FBN1: variants seen among roughly 807,000 people sequenced by gnomAD.
FBN1 encodes the protein fibrillin 1, also known as fibrillin-1.
In FBN1, 29 loss-of-function variants were observed where a neutral mutation model predicts 365.1. The ratio of observed to expected loss-of-function variants is 0.08; its 90% CI spans 0.06 to 0.11. FBN1 has a LOEUF of 0.11. FBN1 is among the 10% of genes least tolerant of loss of function. The probability of loss-of-function intolerance (pLI) is 1.00; values close to 1 mark genes in which losing one functional copy is unlikely to be tolerated. For synonymous variants in FBN1, 1,210 were observed against 1,270.5 expected (o/e 0.95, Z 1.01); for missense variants, 2,476 against 3,703.2 (o/e 0.67, Z 8.60).
At chr15:48,487,968 C>A in intron 27 of FBN1, 145 bp downstream of exon 27, 1 of 1,074,198 alleles carries the variant, frequency 9.3e-7, no homozygotes, top group South Asian at 1.3e-5. Flanking sequence ...ATTCTTTCTA[C>A]CTCAGTCTCC....
Position 48,516,234 on chromosome 15 carries a change from G to A in FBN1, c.1276C>T (p.Pro426Ser), listed in dbSNP as rs532909030. The A allele has an allele frequency of 6.2e-7, 1 of 1,607,242 alleles. No individual in the cohort carries two copies. The highest frequency in any genetic ancestry group is 2.2e-5 in the East Asian group (1 of 44,542). Reference sequence around the variant, plus strand: ...TATTCCACTGGTGGTCGAGGGACCGGAATTTGAGGTCCAGGAGGAAAGCCA... The same window carrying A: ...TATTCCACTGGTGGTCGAGGGACCGAAATTTGAGGTCCAGGAGGAAAGCCA... ...PPGFPPGPQI[P>S]VPRPPVEYLY... Residue 426 changes from proline (P) to serine (S), a missense_variant, in exon 11 of 66, where the codon CCG becomes TCG. Pro to Ser is a moderately conservative substitution (Grantham distance 74). Coordinates refer to ENST00000316623, the MANE Select transcript of FBN1 (RefSeq NM_000138.5).
chr15:48,486,735 T>C (rs1160585225), intron 29 of FBN1, among the ~76,000 whole-genome samples: 1 of 152,226 alleles, frequency 6.6e-6, no homozygotes, highest in African/African-American at 2.4e-5. Flanking sequence ...TTAATGTGCA[T>C]TGGTATGCAT....
At position 48,468,527 on chromosome 15, in the gene FBN1, A is replaced by G. The variant is rs193922205; in HGVS notation, c.4467T>C (p.Asn1489=). 1 of 1,614,142 alleles carries G rather than the reference A, an allele frequency of 6.2e-7. No individual in the cohort carries two copies. Among genetic ancestry groups the G allele is most frequent in the South Asian group, 1.1e-5 (1 of 91,084 alleles). ...TGCACGTGGTTGGATCCAGGCATTCATTCACATCTAAAACCGAACAGTGAG... is the reference window on the plus strand; with the variant it reads ...TGCACGTGGTTGGATCCAGGCATTCGTTCACATCTAAAACCGAACAGTGAG... ...DRSGGNCTDV[N]ECLDPTTCIS... The change falls in exon 37 of 66, where the codon AAT becomes AAC. Residue 1489 remains asparagine, a synonymous_variant. Coordinates refer to ENST00000316623, the MANE Select transcript of FBN1 (RefSeq NM_000138.5).
intron 45 of FBN1, 37 bp from the exon 46 acceptor site, chr15:48,448,930 G>C: frequency 6.4e-7 from 1 of 1,568,880 alleles, no homozygotes; most frequent in Non-Finnish European, 8.8e-7. Flanking sequence ...GAACTTAGAA[G>C]ACAAAATATA....
At chr15:48,524,454 C>G (rs867981508) in intron 9 of FBN1, among the ~76,000 whole-genome samples, 5 of 152,172 alleles carry the variant, frequency 3.3e-5, no homozygotes, top group African/African-American at 1.2e-4. Context: ...TTTCTCATCA[C>G]TACGGATAAT....
intron 17 of FBN1, among the ~76,000 whole-genome samples, chr15:48,500,968 C>A (rs1033443631): frequency 4.6e-5 from 7 of 152,234 alleles, no homozygotes; most frequent in African/African-American, 1.4e-4. Context: ...GCCTACCCCC[C>A]ATTCTTGAAA....
At chr15:48,560,953 A>G (rs886172970) in intron 6 of FBN1, among the ~76,000 whole-genome samples, 3 of 151,972 alleles carry the variant, frequency 2.0e-5, no homozygotes, top group Non-Finnish European at 1.5e-5. Context: ...ATACTACCCA[A>G]CCCCCAGAGT....
chr15:48,482,713 A>G (rs2043474607), intron 31 of FBN1, among the ~76,000 whole-genome samples: 1 of 152,228 alleles, frequency 6.6e-6, no homozygotes, highest in South Asian at 2.1e-4. Flanking sequence ...TTCTGCAAGT[A>G]TTCAGATGAG....
At chr15:48,483,358 G>A (rs1397513397) in intron 31 of FBN1, among the ~76,000 whole-genome samples, 2 of 152,224 alleles carry the variant, frequency 1.3e-5, no homozygotes, top group Non-Finnish European at 2.9e-5. Context: ...TACACTGTAT[G>A]TGAGGAAAGG....
chr15:48,546,646 T>C (rs917629552), intron 6 of FBN1, among the ~76,000 whole-genome samples: 4 of 152,188 alleles, frequency 2.6e-5, no homozygotes, highest in Non-Finnish European at 5.9e-5. Context: ...CAAAGCTCAA[T>C]AAAAAGCCAC....
At chr15:48,425,628 G>A in intron 59 of FBN1, 111 bp downstream of exon 59, 1 of 1,536,892 alleles carries the variant, frequency 6.5e-7, no homozygotes, top group African/African-American at 1.4e-5. Context: ...TGATTGTCCT[G>A]TGCTTTCCTA....
In FBN1 at chr15:48,489,872, T is replaced by C. The variant is rs1242604605; in HGVS notation, c.3061A>G (p.Asn1021Asp). ...GPGFATKEIT[N>D]GKPFFKDINE... ...GTACCTTTGAAGAAAGGCTTTCCAT[T>C]TGTAATTTCTTTTGTGGCAAATCCG... is the stretch of plus-strand genomic sequence containing the variant. The change falls in exon 25 of 66, where the codon AAT (asparagine) becomes GAT (aspartate). Residue 1021 changes from asparagine (N) to aspartate (D), a missense_variant. By Grantham distance (23) the Asn-to-Asp change is conservative. This residue lies in a region of FBN1 where 1,780 missense variants were observed against 2,840.8 expected (regional missense o/e 0.63). Coordinates refer to ENST00000316623, the MANE Select transcript of FBN1 (RefSeq NM_000138.5). 6.2e-7 allele frequency: 1 copy of C among 1,614,076 alleles called. No homozygotes were observed. Among genetic ancestry groups the C allele is most frequent in the South Asian group, 1.1e-5 (1 of 91,076 alleles).
rs1566895616 is a variant in FBN1, at chr15:48,435,750, A to ATGTGTATATATATG, written c.6497-1038_6497-1037insCATATATATACACA. 1.4e-4 allele frequency among the ~76,000 whole-genome samples: 12 copies of ATGTGTATATATATG among 85,094 alleles called. No individual in the cohort carries two copies. In the South Asian group the frequency reaches 5.2e-3, roughly 37 times the overall value. 55.8% of individuals were successfully genotyped at this position (85,094 alleles called of 152,430 possible). On this transcript the variant is annotated intron_variant, in intron 53 of 65. Coordinates refer to ENST00000316623, the MANE Select transcript of FBN1 (RefSeq NM_000138.5). Reference sequence around the variant, plus strand: ...TGTGTATATATATGTGTGTATATATATGTGTGTATATATATGTGTATATGT... The same window carrying ATGTGTATATATATG: ...TGTGTATATATATGTGTGTATATATATGTGTATATATATGTGTGTGTATATATATGTGTATATGT...
At chr15:48,559,366 C>T (rs2044206142) in intron 6 of FBN1, among the ~76,000 whole-genome samples, 1 of 152,168 alleles carries the variant, frequency 6.6e-6, no homozygotes, top group South Asian at 2.1e-4. Flanking sequence ...CAGCAGAGAG[C>T]TCTCCAGGAA....
chr15:48,528,892 TTCTA>T (rs781037602), intron 8 of FBN1: 2 of 152,038 alleles, frequency 1.3e-5, no homozygotes, highest in East Asian at 3.9e-4. Flanking sequence ...AAAGCAAGAG[TTCTA>T]TCTATTACCA....
At chr15:48,515,805 C>T (rs1439046183) in intron 11 of FBN1, among the ~76,000 whole-genome samples, 2 of 152,120 alleles carry the variant, frequency 1.3e-5, no homozygotes, top group African/African-American at 4.8e-5. Context: ...ATAACAAAGG[C>T]AGAGAGATAT....
rs997029533 is a variant in FBN1 at position 48,602,063 on chromosome 15, C to G, written c.347-1829G>C. Among the ~76,000 whole-genome samples, 6 of 152,250 alleles carry G rather than the reference C, an allele frequency of 3.9e-5. No individual in the cohort carries two copies. In the East Asian group the frequency reaches 9.7e-4, roughly 25 times the overall value. Reference sequence around the variant, plus strand: ...TGCCATGCAAAACACCCGGCACTTTCCTTGTCCTAGTCCCTCTGTAGAACC... The same window carrying G: ...TGCCATGCAAAACACCCGGCACTTTGCTTGTCCTAGTCCCTCTGTAGAACC... On this transcript the variant is annotated intron_variant, in intron 4 of 65. Transcript: ENST00000316623.
intron 60 of FBN1, among the ~76,000 whole-genome samples, chr15:48,424,476 C>G (rs1460614776): frequency 1.3e-5 from 2 of 152,186 alleles, no homozygotes; most frequent in African/African-American, 2.4e-5. Context: ...GTGGTACACA[C>G]AGCTGCATCA....
chr15:48,412,386 G>A (rs908218437), intron 65 of FBN1, among the ~76,000 whole-genome samples, 183 bp downstream of exon 65: 2 of 152,188 alleles, frequency 1.3e-5, no homozygotes, highest in African/African-American at 4.8e-5. Context: ...CTCCCGAAAA[G>A]CAGCAAGAAA....
Sources: gnomAD v4.1 joint callset for allele counts (sites outside exome capture counted in the v4.1 genomes callset) on GRCh38, gnomAD v4.1.1 for gene constraint, gnomAD v4.1.1 regional missense constraint, MANE v1.5 for transcripts, NCBI Gene and HGNC (gene_info 2026-07-23, HGNC 2026-07-21) for gene names.